Variants in PCDH15 observed in about 807,000 individuals in gnomAD.
PCDH15 encodes the protein protocadherin related 15, also known as protocadherin-15.
A neutral mutation model predicts 178.5 loss-of-function variants in PCDH15; 129 were observed. The ratio of observed to expected loss-of-function variants is 0.72; its 90% CI spans 0.63 to 0.84. The LOEUF is 0.84. PCDH15 is among the 40% of genes least tolerant of loss of function. The probability of loss-of-function intolerance (pLI) is 0.00; values close to 1 mark genes in which losing one functional copy is unlikely to be tolerated. For synonymous variants in PCDH15, 800 were observed against 732.0 expected (o/e 1.09, Z -1.50); for missense variants, 2,230 against 2,099.9 (o/e 1.06, Z -1.21).
At chr10:53,822,819 T>G in intron 32 of PCDH15, 1 of 1,613,950 alleles carries the variant, frequency 6.2e-7, no homozygotes, top group Non-Finnish European at 8.5e-7. Flanking sequence ...TATTTCCTCT[T>G]TCTCTGTCAA....
At chr10:54,788,950 T>C (rs1951143370) in intron 1 of PCDH15, among the ~76,000 whole-genome samples, 1 of 151,890 alleles carries the variant, frequency 6.6e-6, no homozygotes, top group South Asian at 2.1e-4. Flanking sequence ...TCTAGAAACT[T>C]GGTCATTTCC....
chr10:54,763,569 A>G (rs963796622), intron 1 of PCDH15, among the ~76,000 whole-genome samples: 7 of 152,050 alleles, frequency 4.6e-5, no homozygotes, highest in Non-Finnish European at 7.4e-5. Flanking sequence ...GTGACTAGTT[A>G]CTAATTCATT....
intron 3 of PCDH15, among the ~76,000 whole-genome samples, chr10:54,864,485 T>G (rs1220744570): frequency 6.6e-6 from 1 of 152,158 alleles, no homozygotes; most frequent in East Asian, 1.9e-4. Flanking sequence ...ACAGGGAAAC[T>G]TATATCAAGG....
At chr10:54,626,679 T>C (rs1016452149) in intron 2 of PCDH15, among the ~76,000 whole-genome samples, 2 of 152,286 alleles carry the variant, frequency 1.3e-5, no homozygotes, top group South Asian at 4.1e-4. Flanking sequence ...GAACCTCTCC[T>C]AGGGCAGTGC....
intron 1 of PCDH15, among the ~76,000 whole-genome samples, chr10:55,232,515 T>TA (rs1181064519): frequency 6.6e-6 from 1 of 152,152 alleles, no homozygotes; most frequent in Non-Finnish European, 1.5e-5. Context: ...TCCTGGAACT[T>TA]ACATCTTTGT....
chr10:55,318,192 A>G (rs1843779764), intron 1 of PCDH15, among the ~76,000 whole-genome samples: 1 of 152,264 alleles, frequency 6.6e-6, no homozygotes, highest in Middle Eastern at 3.4e-3. Context: ...TAACCCTCGG[A>G]AAAAAGAAAA....
At chr10:54,701,881 G>A (rs1487111842) in intron 1 of PCDH15, among the ~76,000 whole-genome samples, 1 of 151,984 alleles carries the variant, frequency 6.6e-6, no homozygotes, top group Admixed American at 6.6e-5. Flanking sequence ...CCCACTGACA[G>A]TATTAGACAG....
chr10:54,220,213 T>C (rs2052624506), intron 9 of PCDH15, among the ~76,000 whole-genome samples: 1 of 152,232 alleles, frequency 6.6e-6, no homozygotes, highest in Non-Finnish European at 1.5e-5. Flanking sequence ...ACTTACTAGC[T>C]GTTAACTAGT....
chr10:54,035,351 T>C (rs1590042311), intron 18 of PCDH15, among the ~76,000 whole-genome samples: 4 of 152,070 alleles, frequency 2.6e-5, no homozygotes, highest in African/African-American at 9.6e-5. Flanking sequence ...TCCAACAGCG[T>C]GTGCTCATTT....
intron 25 of PCDH15, among the ~76,000 whole-genome samples, chr10:53,913,589 A>G (rs2083291646): frequency 6.6e-6 from 1 of 151,624 alleles, no homozygotes; most frequent in Non-Finnish European, 1.5e-5. Context: ...AAAAAAAAAA[A>G]AAAAATTAGC....
intron 1 of PCDH15, among the ~76,000 whole-genome samples, chr10:55,283,418 C>T (rs1458348113): frequency 6.6e-6 from 1 of 151,914 alleles, no homozygotes; most frequent in Admixed American, 6.6e-5. Context: ...AATAACAAAA[C>T]TCACCTCTCT....
intron 18 of PCDH15, among the ~76,000 whole-genome samples, chr10:54,048,409 G>A (rs1232773883): frequency 3.3e-5 from 5 of 151,940 alleles, no homozygotes; most frequent in Admixed American, 6.6e-5. Context: ...GTTTAATTAC[G>A]TCCCACTTAT....
At chr10:55,163,347 C>A (rs1323488965) in intron 2 of PCDH15, among the ~76,000 whole-genome samples, 1 of 152,080 alleles carries the variant, frequency 6.6e-6, no homozygotes. Context: ...CATGTATACT[C>A]CAAAGAGACT....
chr10:54,468,598 G>T (rs1336024793), intron 3 of PCDH15, among the ~76,000 whole-genome samples: 1 of 152,242 alleles, frequency 6.6e-6, no homozygotes, highest in African/African-American at 2.4e-5. Flanking sequence ...TCTATGTGCT[G>T]ATCAGAAGAA....
intron 2 of PCDH15, among the ~76,000 whole-genome samples, chr10:55,612,593 T>C (rs1843390990): frequency 6.6e-6 from 1 of 152,106 alleles, no homozygotes; most frequent in African/African-American, 2.4e-5. Context: ...CTTCAAAATA[T>C]AGGGTTTTAT....
chr10:54,153,366 C>T (rs2044752178), intron 13 of PCDH15, 73 bp from the exon 14 acceptor site: 3 of 1,512,236 alleles, frequency 2.0e-6, no homozygotes, highest in South Asian at 2.3e-5. Flanking sequence ...TTTCCCCCAA[C>T]AAAAGAAGCT....
At chr10:54,731,631 G>T (rs779835356) in intron 1 of PCDH15, among the ~76,000 whole-genome samples, 1 of 147,246 alleles carries the variant, frequency 6.8e-6, no homozygotes, top group Non-Finnish European at 1.5e-5. Flanking sequence ...TCATACAAGA[G>T]AATGAAATCC....
At chr10:55,517,860 T>C (rs993806731) in intron 2 of PCDH15, among the ~76,000 whole-genome samples, 11 of 151,928 alleles carry the variant, frequency 7.2e-5, no homozygotes, top group African/African-American at 2.4e-4. Context: ...TGACCAACTC[T>C]AGCCAGGCTC....
intron 9 of PCDH15, among the ~76,000 whole-genome samples, chr10:54,232,456 C>T (rs922984872): frequency 2.0e-5 from 3 of 152,210 alleles, no homozygotes; most frequent in African/African-American, 7.2e-5. Flanking sequence ...CAGACTAACA[C>T]AGAAGAGGTA....
Sources: gnomAD v4.1 joint callset for allele counts (sites outside exome capture counted in the v4.1 genomes callset) on GRCh38, gnomAD v4.1.1 for gene constraint, MANE v1.5 for transcripts, NCBI Gene and HGNC (gene_info 2026-07-23, HGNC 2026-07-21) for gene names.